Variants in PVT1 observed in about 807,000 individuals in gnomAD.
PVT1 encodes CXCR4/PVT1 fusion.
intron 2 of PVT1, among the ~76,000 whole-genome samples, chr8:127,820,837 G>A (rs1311067351): frequency 6.6e-6 from 1 of 152,060 alleles, no homozygotes; most frequent in Non-Finnish European, 1.5e-5. Context: ...AGCCTCCCGA[G>A]TAGCTGGATT....
chr8:127,899,160 C>T (rs1360428002), intron 3 of PVT1, among the ~76,000 whole-genome samples: 4 of 152,186 alleles, frequency 2.6e-5, no homozygotes, highest in African/African-American at 7.2e-5. Context: ...AAATAGTTTT[C>T]CTGATGGAGA....
intron 4 of PVT1, among the ~76,000 whole-genome samples, chr8:128,041,822 G>A (rs997067693): frequency 2.0e-5 from 3 of 152,130 alleles, no homozygotes; most frequent in Non-Finnish European, 4.4e-5. Context: ...TCATCATGGA[G>A]AGCCATCTAT....
intron 3 of PVT1, among the ~76,000 whole-genome samples, chr8:127,973,901 A>AC (rs1205618954): frequency 6.6e-6 from 1 of 151,542 alleles, no homozygotes; most frequent in Non-Finnish European, 1.5e-5. Context: ...AATGGCGTGA[A>AC]CCCGGGAGGA....
At chr8:128,091,353 G>T (rs1814349361) in intron 5 of PVT1, among the ~76,000 whole-genome samples, 1 of 152,118 alleles carries the variant, frequency 6.6e-6, no homozygotes, top group African/African-American at 2.4e-5. Flanking sequence ...CACTGCTATG[G>T]GTGAGGGAAT....
intron 5 of PVT1, among the ~76,000 whole-genome samples, chr8:128,080,723 G>A (rs1336127571): frequency 1.3e-5 from 2 of 152,092 alleles, no homozygotes; most frequent in African/African-American, 4.8e-5. Flanking sequence ...ATGGAGTCCA[G>A]GTCATCAATT....
chr8:128,045,660 C>G (rs1386390062), intron 4 of PVT1, among the ~76,000 whole-genome samples: 1 of 152,166 alleles, frequency 6.6e-6, no homozygotes, highest in Non-Finnish European at 1.5e-5. Flanking sequence ...AAGCAGTGAT[C>G]CAGGGCAACT....
chr8:128,044,354 C>T (rs763145053), intron 4 of PVT1, among the ~76,000 whole-genome samples: 1 of 152,154 alleles, frequency 6.6e-6, no homozygotes, highest in African/African-American at 2.4e-5. Context: ...GCAGAGACTT[C>T]TGTTAATTTT....
intron 2 of PVT1, among the ~76,000 whole-genome samples, chr8:127,867,780 T>C (rs886797428): frequency 6.6e-6 from 1 of 152,158 alleles, no homozygotes; most frequent in Non-Finnish European, 1.5e-5. Context: ...ATCTGAGATG[T>C]CATCCTTTAT....
chr8:127,897,736 G>T (rs1371418115), intron 3 of PVT1, among the ~76,000 whole-genome samples: 1 of 150,238 alleles, frequency 6.7e-6, no homozygotes, highest in Non-Finnish European at 1.5e-5. Flanking sequence ...AAGAAGGAAA[G>T]AAAGATTCAT....
intron 3 of PVT1, among the ~76,000 whole-genome samples, chr8:127,913,590 G>A (rs940526137): frequency 1.3e-5 from 2 of 152,192 alleles, no homozygotes; most frequent in Non-Finnish European, 2.9e-5. Flanking sequence ...TATGCCAAGT[G>A]TTGGCAGGTT....
chr8:127,973,485 A>T (rs1282962884), intron 3 of PVT1, among the ~76,000 whole-genome samples: 2 of 152,128 alleles, frequency 1.3e-5, no homozygotes, highest in Admixed American at 1.3e-4. Flanking sequence ...TGGAGTCAGA[A>T]CTAGACTTAG....
Position 128,062,776 on chromosome 8 carries a change from A to G in PVT1, n.913-7384A>G, listed in dbSNP as rs532624365. On this transcript the variant is annotated intron_variant and non_coding_transcript_variant, in intron 4 of 10. Transcript: ENST00000651587. ...GTTGCTTGTGAATTAAATTGTTGAG[A>G]AATTACTTGGGTTGTTATTTCTGAT... Among the ~76,000 whole-genome samples, 16 of 152,028 alleles carry G rather than the reference A, an allele frequency of 1.1e-4. 1 individual carries two copies. Among genetic ancestry groups the G allele is most frequent in the Middle Eastern group, 3.4e-3 (1 of 292 alleles).
intron 3 of PVT1, among the ~76,000 whole-genome samples, chr8:127,921,235 A>G (rs1465342224): frequency 6.6e-6 from 1 of 152,166 alleles, no homozygotes; most frequent in Admixed American, 6.5e-5. Flanking sequence ...CTGAGGATAT[A>G]GCAATTGGGG....
At chr8:128,024,234 A>G (rs1486452719) in intron 4 of PVT1, among the ~76,000 whole-genome samples, 1 of 152,182 alleles carries the variant, frequency 6.6e-6, no homozygotes, top group Non-Finnish European at 1.5e-5. Context: ...TAACCAGATT[A>G]CCTGATACCC....
chr8:127,994,785 G>A lies in PVT1; in HGVS notation n.912+5494G>A, dbSNP rs138411380. On this transcript the variant is annotated intron_variant and non_coding_transcript_variant, in intron 4 of 10. Transcript: ENST00000651587. Reference sequence around the variant, plus strand: ...TCCAGTCCAGATTCGAAGGCCTGAGGACCAGGAATGCCAAGGGCAGGAGAA... The same window carrying A: ...TCCAGTCCAGATTCGAAGGCCTGAGAACCAGGAATGCCAAGGGCAGGAGAA... 1.2e-3 allele frequency among the ~76,000 whole-genome samples: 182 copies of A among 151,224 alleles called. 5 individuals are homozygous for A. In the East Asian group the frequency reaches 0.03, roughly 25 times the overall value.
intron 4 of PVT1, among the ~76,000 whole-genome samples, chr8:128,018,609 A>T (rs1586483573): frequency 6.6e-6 from 1 of 152,348 alleles, no homozygotes; most frequent in Non-Finnish European, 1.5e-5. Flanking sequence ...AGTAAATGTC[A>T]GGGTCAAACA....
intron 2 of PVT1, among the ~76,000 whole-genome samples, chr8:127,890,305 A>C (rs1421679022): frequency 1.3e-5 from 2 of 152,168 alleles, no homozygotes; most frequent in Non-Finnish European, 2.9e-5. Context: ...TCTCAACTTT[A>C]TAATGGATGC....
At chr8:127,943,198 C>A (rs545352573) in intron 3 of PVT1, among the ~76,000 whole-genome samples, 1 of 152,156 alleles carries the variant, frequency 6.6e-6, no homozygotes, top group Non-Finnish European at 1.5e-5. Flanking sequence ...CAGATCCTAA[C>A]GCGAAGTCTG....
In PVT1 at chr8:127,914,798, G is replaced by T. The variant is rs574934250; in HGVS notation, n.782+23800G>T. On this transcript the variant is annotated intron_variant and non_coding_transcript_variant, in intron 3 of 10. Coordinates refer to ENST00000651587, the Ensembl canonical transcript of PVT1. ...GCCATGGGGAGTAGCTGCTTAATGG[G>T]TACAAAGTTGTTGTTGGTTTTTTTT... 1.9e-4 allele frequency among the ~76,000 whole-genome samples: 29 copies of T among 150,494 alleles called. 1 individual carries two copies. In the South Asian group the frequency reaches 5.9e-3, roughly 30 times the overall value.
Sources: gnomAD v4.1 joint callset for allele counts (sites outside exome capture counted in the v4.1 genomes callset) on GRCh38, gnomAD v4.1.1 for gene constraint, MANE v1.5 for transcripts, NCBI Gene and HGNC (gene_info 2026-07-23, HGNC 2026-07-21) for gene names.